Variants in BLM observed in about 807,000 individuals in gnomAD.
BLM encodes the protein BLM RecQ like helicase, also known as recQ-like DNA helicase BLM.
Under a neutral mutation model 135.3 loss-of-function variants are expected in BLM, and 95 were observed. That is an observed-to-expected ratio of 0.70 (90% CI 0.59 to 0.83). BLM has a LOEUF of 0.83. Ranked by LOEUF, BLM falls within the 40% of genes least tolerant of loss-of-function variation. The probability of loss-of-function intolerance (pLI) is 0.00; values close to 1 mark genes in which losing one functional copy is unlikely to be tolerated. For missense variants in BLM, 1,518 were observed against 1,663.9 expected, an observed-to-expected ratio of 0.91 and a Z score of 1.53; for synonymous variants, 520 against 589.2, an observed-to-expected ratio of 0.88 and a Z score of 1.70.
chr15:90,758,960 G>A (rs1010273599), intron 5 of BLM, among the ~76,000 whole-genome samples: 1 of 152,116 alleles, frequency 6.6e-6, no homozygotes, highest in African/African-American at 2.4e-5. Context: ...CAACAGGTAG[G>A]GCTCTTGCCT....
Position 90,754,937 on chromosome 15 carries a change from C to T in BLM, c.1086C>T (p.Asp362=), listed in dbSNP as rs375632163. The change falls in exon 5 of 22, where the codon GAC becomes GAT. Residue 362 remains aspartate, a splice_region_variant and synonymous_variant. Transcript: ENST00000355112. ...ELNPETSTDC[D]ARQISLQQQL... Reference sequence around the variant, plus strand: ...ATCCAGAAACCAGCACAGACTGTGACGGTACAAGCAATATTTTAGACATAC... The same window carrying T: ...ATCCAGAAACCAGCACAGACTGTGATGGTACAAGCAATATTTTAGACATAC... The T allele has an allele frequency of 1.5e-4, 241 of 1,613,530 alleles. No homozygotes were observed. The highest frequency in any genetic ancestry group is 1.9e-4 in the Non-Finnish European group (230 of 1,179,906).
Position 90,809,132 on chromosome 15 carries a change from C to A in BLM, c.3752-5C>A. The A allele has an allele frequency of 6.2e-7, 1 of 1,614,108 alleles. No individual in the cohort carries two copies. The highest frequency in any genetic ancestry group is 8.5e-7 in the Non-Finnish European group (1 of 1,179,966). ...TTAAATTCCTAATTTTATGCCTTTG[C>A]ACAGAATCTTTATCTTCTGATCCTG... On this transcript the variant is annotated splice_region_variant and splice_polypyrimidine_tract_variant and intron_variant, in intron 19 of 21. Transcript: ENST00000355112.
rs542326406 is a variant in BLM, at chr15:90,800,748, T to A, written c.3358+2411T>A. On this transcript the variant is annotated intron_variant, in intron 17 of 21. Transcript: ENST00000355112. ...AGTAAGAAAGGAATGGTTTTATTGA[T>A]AACAGTGAAGAATGCAAATGTTACT... Among the ~76,000 whole-genome samples, 21 of 151,146 alleles carry A rather than the reference T, an allele frequency of 1.4e-4. 1 individual carries two copies. The South Asian group carries it at 4.4e-3, about 32-fold the overall frequency.
intron 8 of BLM, among the ~76,000 whole-genome samples, chr15:90,763,790 A>T (rs1186903224): frequency 6.6e-6 from 1 of 152,240 alleles, no homozygotes; most frequent in African/African-American, 2.4e-5. Context: ...GTTAAAGCTT[A>T]TGACAGCTGT....
At position 90,764,000 on chromosome 15, in the gene BLM, A is replaced by G. The variant is rs541211731; in HGVS notation, c.2074+843A>G. Among the ~76,000 whole-genome samples the G allele has an allele frequency of 7.9e-5, 12 of 152,278 alleles. No individual in the cohort carries two copies. The East Asian group carries it at 2.3e-3, about 29-fold the overall frequency. On this transcript the variant is annotated intron_variant, in intron 8 of 21. Transcript: ENST00000355112. The stretch of plus-strand genomic sequence containing the variant: ...CTTTTTCATCCTGGTTTTTAGATTT[A>G]GATAGCCTTGGCTTAATAATCAGCA...
chr15:90,794,242 A>C lies in BLM; in HGVS notation c.3095A>C (p.Asn1032Thr). Reference sequence around the variant, plus strand: ...TATAGCATGGTACATTACTGTGAAAATATAACGGAATGCAGGAGAATACAG... The same window carrying C: ...TATAGCATGGTACATTACTGTGAAACTATAACGGAATGCAGGAGAATACAG... ...NLYSMVHYCE[N>T]ITECRRIQLL... Residue 1032 changes from asparagine to threonine, a missense_variant, in exon 16 of 22, where the codon AAT becomes ACT. Asn to Thr is a moderately conservative substitution (Grantham distance 65). Coordinates refer to ENST00000355112, the MANE Select transcript of BLM (RefSeq NM_000057.4). The C allele has an allele frequency of 6.2e-7, 1 of 1,606,152 alleles. No individual in the cohort carries two copies. The highest frequency in any genetic ancestry group is 8.5e-7 in the Non-Finnish European group (1 of 1,175,316).
chr15:90,784,865 GTGTTTT>G, intron 13 of BLM, 50 bp from the exon 14 acceptor site: 1 of 1,556,752 alleles, frequency 6.4e-7, no homozygotes. Context: ...AGTGTAAATT[GTGTTTT>G]TGTTTATGTT....
At chr15:90,754,420 A>G (rs1895761982) in intron 4 of BLM, among the ~76,000 whole-genome samples, 1 of 152,222 alleles carries the variant, frequency 6.6e-6, no homozygotes, top group African/African-American at 2.4e-5. Flanking sequence ...CACTTGCTGG[A>G]GAAGTAATGC....
chr15:90,758,963 T>C (rs1181286538), intron 5 of BLM, among the ~76,000 whole-genome samples: 1 of 152,212 alleles, frequency 6.6e-6, no homozygotes, highest in Non-Finnish European at 1.5e-5. Flanking sequence ...CAGGTAGGGC[T>C]CTTGCCTGTC....
rs761501042 is a variant in BLM at position 90,782,882 on chromosome 15, A to G, written c.2616A>G (p.Lys872=). The G allele has an allele frequency of 1.2e-6, 2 of 1,614,030 alleles. No homozygotes were observed. The highest frequency in any genetic ancestry group is 2.2e-5 in the East Asian group (1 of 44,872). The part of the protein sequence containing the change: ...LKYYVLPKKP[K]KVAFDCLEWI... Reference sequence around the variant, plus strand: ...ACTATGTATTACCGAAAAAGCCTAAAAAGGTGGCATTTGATTGCCTAGAAT... The same window carrying G: ...ACTATGTATTACCGAAAAAGCCTAAGAAGGTGGCATTTGATTGCCTAGAAT... Residue 872 remains lysine, a synonymous_variant, in exon 13 of 22, where the codon AAA becomes AAG. Transcript: ENST00000355112.
At chr15:90,720,757 A>G (rs190981002) in intron 1 of BLM, among the ~76,000 whole-genome samples, 18 of 151,598 alleles carry the variant, frequency 1.2e-4, no homozygotes, top group Admixed American at 2.0e-4. Flanking sequence ...TGTTGTAGAG[A>G]TGGGCTTTTG....
chr15:90,732,877 C>T (rs1016629863), intron 1 of BLM, among the ~76,000 whole-genome samples: 4 of 152,148 alleles, frequency 2.6e-5, no homozygotes, highest in South Asian at 2.1e-4. Flanking sequence ...AGGCAGATCA[C>T]GAGGTCAGGA....
intron 19 of BLM, among the ~76,000 whole-genome samples, chr15:90,806,141 TA>T (rs1331792143): frequency 6.6e-6 from 1 of 152,194 alleles, no homozygotes; most frequent in Non-Finnish European, 1.5e-5. Flanking sequence ...TTTTCTTCCT[TA>T]ATAGTCCATA....
chr15:90,732,825 G>A (rs1895103057), intron 1 of BLM, among the ~76,000 whole-genome samples: 1 of 152,238 alleles, frequency 6.6e-6, no homozygotes, highest in African/African-American at 2.4e-5. Context: ...GCTGGGCGCA[G>A]TGGCTCATGC....
At chr15:90,802,501 C>T (rs948697573) in intron 17 of BLM, among the ~76,000 whole-genome samples, 2 of 152,168 alleles carry the variant, frequency 1.3e-5, no homozygotes, top group Non-Finnish European at 2.9e-5. Context: ...CCTTGAGCAT[C>T]TTATAGGGTG....
intron 5 of BLM, among the ~76,000 whole-genome samples, chr15:90,757,547 A>T (rs1047320374): frequency 6.6e-6 from 1 of 152,160 alleles, no homozygotes; most frequent in Non-Finnish European, 1.5e-5. Context: ...TTTACATCTC[A>T]TACCTCACAT....
intron 1 of BLM, among the ~76,000 whole-genome samples, chr15:90,730,280 A>G (rs530470306): frequency 6.6e-6 from 1 of 152,300 alleles, no homozygotes; most frequent in Non-Finnish European, 1.5e-5. Context: ...TTCATGATCT[A>G]CTGCTCTGGC....
At position 90,784,993 on chromosome 15, in the gene BLM, G is replaced by A. The variant is rs2151179803; in HGVS notation, c.2735G>A (p.Gly912Glu). Residue 912 changes from glycine (G) to glutamate (E), a missense_variant, in exon 14 of 22, where the codon GGG (glycine) becomes GAG (glutamate). This residue lies in a region of BLM where 626 missense variants were observed against 681.1 expected (regional missense o/e 0.92). Transcript: ENST00000355112. ...DTMADTLQRD[G>E]LAALAYHAGL... ...ATGGCTGACACGTTACAGAGAGATGGGCTCGCTGCTCTTGCTTACCATGCT... is the reference window on the plus strand; with the variant it reads ...ATGGCTGACACGTTACAGAGAGATGAGCTCGCTGCTCTTGCTTACCATGCT... 1 of 1,614,094 alleles carries A rather than the reference G, an allele frequency of 6.2e-7. No individual in the cohort carries two copies.
In BLM at chr15:90,775,686, A is replaced by G. The variant is rs1018341194; in HGVS notation, c.2555+6100A>G. Among the ~76,000 whole-genome samples, 6 of 151,694 alleles carry G rather than the reference A, an allele frequency of 4.0e-5. No homozygotes were observed. In the East Asian group the frequency reaches 5.8e-4, roughly 15 times the overall value. On this transcript the variant is annotated intron_variant, in intron 12 of 21. Transcript: ENST00000355112. ...GCCGCCATGCCCGGCTAATTTTTCTATTTTTAGTAGAGACGGGGTTTCACC... is the reference window on the plus strand; with the variant it reads ...GCCGCCATGCCCGGCTAATTTTTCTGTTTTTAGTAGAGACGGGGTTTCACC...
Sources: allele counts gnomAD v4.1 joint callset (sites outside exome capture counted in the v4.1 genomes callset), GRCh38; gene constraint gnomAD v4.1.1; regional missense constraint gnomAD v4.1.1; transcripts MANE v1.5; gene names NCBI Gene and HGNC (gene_info 2026-07-23, HGNC 2026-07-21).